NBEA: variants seen among roughly 807,000 people sequenced by gnomAD.
NBEA encodes the protein lysosomal-trafficking regulator 2.
Under a neutral mutation model 343.4 loss-of-function variants are expected in NBEA, and 44 were observed. The ratio of observed to expected loss-of-function variants is 0.13; its 90% CI spans 0.10 to 0.16. NBEA has a LOEUF of 0.16. Among genes scored for constraint, NBEA ranks in the 10% least tolerant of loss-of-function variants. NBEA has a pLI of 1.00. For synonymous variants in NBEA, 1,175 were observed against 1,238.7 expected (o/e 0.95, Z 1.08); for missense variants, 2,555 against 3,631.3 (o/e 0.70, Z 7.62).
chr13:35,091,005 A>G (rs1176026259), intron 10 of NBEA, among the ~76,000 whole-genome samples: 1 of 151,990 alleles, frequency 6.6e-6, no homozygotes. Context: ...GCAGTGAGAG[A>G]CAACTCTGGG....
chr13:35,660,599 C>G (rs2085045486), intron 55 of NBEA, among the ~76,000 whole-genome samples: 1 of 152,308 alleles, frequency 6.6e-6, no homozygotes, highest in Middle Eastern at 3.4e-3. Context: ...TGCCTCAGCT[C>G]TGGACGCTGA....
intron 51 of NBEA, among the ~76,000 whole-genome samples, chr13:35,646,682 G>GTAT (rs1354052394): frequency 6.6e-6 from 1 of 152,208 alleles, no homozygotes; most frequent in Non-Finnish European, 1.5e-5. Flanking sequence ...AATGAAAAAT[G>GTAT]TATTGCAGAC....
At chr13:34,996,320 T>G (rs2060939448) in intron 1 of NBEA, among the ~76,000 whole-genome samples, 1 of 152,156 alleles carries the variant, frequency 6.6e-6, no homozygotes. Flanking sequence ...ATTATTTATT[T>G]TACATTCATA....
chr13:35,046,265 G>A (rs2062852114), intron 4 of NBEA, among the ~76,000 whole-genome samples: 1 of 152,060 alleles, frequency 6.6e-6, no homozygotes, highest in Non-Finnish European at 1.5e-5. Flanking sequence ...GTCTTTCTAT[G>A]GACATATGTT....
chr13:35,185,450 A>C (rs943440689), intron 30 of NBEA: 1 of 152,158 alleles, frequency 6.6e-6, no homozygotes, highest in Non-Finnish European at 1.5e-5. Flanking sequence ...GAACAGCATG[A>C]TGAAATGAAG....
At chr13:35,024,147 A>T (rs1199408909) in intron 1 of NBEA, among the ~76,000 whole-genome samples, 3 of 152,186 alleles carry the variant, frequency 2.0e-5, no homozygotes, top group Non-Finnish European at 4.4e-5. Flanking sequence ...CTCTAGCTGC[A>T]ACCATGTTGT....
intron 41 of NBEA, chr13:35,475,573 A>T: frequency 6.2e-7 from 1 of 1,613,540 alleles, no homozygotes; most frequent in Non-Finnish European, 8.5e-7. Flanking sequence ...GATGTGGGGA[A>T]GTGGCCAGTG....
intron 38 of NBEA, among the ~76,000 whole-genome samples, chr13:35,363,647 G>A (rs916544115): frequency 6.6e-6 from 1 of 151,808 alleles, no homozygotes; most frequent in Non-Finnish European, 1.5e-5. Context: ...GGATGAAGTG[G>A]AAATTTTGCT....
chr13:35,499,340 A>T (rs970148068), intron 41 of NBEA, among the ~76,000 whole-genome samples: 1 of 152,048 alleles, frequency 6.6e-6, no homozygotes, highest in Admixed American at 6.5e-5. Context: ...TATAAGAGGC[A>T]CTTCTCAAGA....
At chr13:35,531,693 A>G (rs372332181) in intron 41 of NBEA, among the ~76,000 whole-genome samples, 1 of 152,222 alleles carries the variant, frequency 6.6e-6, no homozygotes, top group Admixed American at 6.5e-5. Context: ...GTTCCCATAG[A>G]TAGAGCATTT....
chr13:35,156,056 C>T (rs1416372012), intron 19 of NBEA, 27 bp from the exon 20 acceptor site: 1 of 1,558,574 alleles, frequency 6.4e-7, no homozygotes, highest in East Asian at 2.3e-5. Context: ...GGTTACAAAT[C>T]TACAAGTTTT....
intron 38 of NBEA, among the ~76,000 whole-genome samples, chr13:35,361,979 T>C (rs1429462194): frequency 6.6e-6 from 1 of 151,984 alleles, no homozygotes; most frequent in Non-Finnish European, 1.5e-5. Context: ...AGTGGTTTTA[T>C]GACTGTATGC....
intron 12 of NBEA, among the ~76,000 whole-genome samples, chr13:35,110,123 G>A (rs2066124786): frequency 1.5e-5 from 2 of 136,484 alleles, no homozygotes; most frequent in Non-Finnish European, 3.1e-5. Context: ...AGTTACATAT[G>A]TATACATGTG....
At chr13:35,131,190 A>C (rs2067406121) in intron 17 of NBEA, among the ~76,000 whole-genome samples, 1 of 152,120 alleles carries the variant, frequency 6.6e-6, no homozygotes, top group African/African-American at 2.4e-5. Flanking sequence ...TTCACTTATA[A>C]AATACTTTTC....
At chr13:35,496,514 G>A (rs1013536723) in intron 41 of NBEA, among the ~76,000 whole-genome samples, 1 of 151,262 alleles carries the variant, frequency 6.6e-6, no homozygotes, top group Non-Finnish European at 1.5e-5. Flanking sequence ...CACACCTGTG[G>A]TCCCAGCTAT....
intron 40 of NBEA, among the ~76,000 whole-genome samples, chr13:35,458,001 A>C (rs1454692024): frequency 1.3e-5 from 2 of 152,148 alleles, no homozygotes; most frequent in East Asian, 3.9e-4. Context: ...AGTTGTTTCC[A>C]CCTTTTCACT....
chr13:35,086,425 T>G (rs2064765842), intron 10 of NBEA, among the ~76,000 whole-genome samples: 1 of 151,982 alleles, frequency 6.6e-6, no homozygotes, highest in Admixed American at 6.6e-5. Flanking sequence ...ACCGACTAAC[T>G]AACCTTTGTT....
At chr13:35,457,050 A>G (rs1440855256) in intron 40 of NBEA, among the ~76,000 whole-genome samples, 2 of 151,722 alleles carry the variant, frequency 1.3e-5, no homozygotes, top group African/African-American at 2.4e-5. Context: ...ACCCATGTTA[A>G]TGTCTACTAA....
chr13:35,277,717 A>G (rs2034719864), intron 34 of NBEA, among the ~76,000 whole-genome samples: 1 of 151,780 alleles, frequency 6.6e-6, no homozygotes, highest in Non-Finnish European at 1.5e-5. Context: ...CCAAATACAC[A>G]TATTCTAAAG....
Sources: allele counts gnomAD v4.1 joint callset (sites outside exome capture counted in the v4.1 genomes callset), GRCh38; gene constraint gnomAD v4.1.1; transcripts MANE v1.5; gene names NCBI Gene and HGNC (gene_info 2026-07-23, HGNC 2026-07-21).